The following SETX variants were observed in gnomAD, a reference collection of about 807,000 sequenced individuals.
The protein encoded by SETX is helicase senataxin.
A neutral mutation model predicts 227.2 loss-of-function variants in SETX; 90 were observed. The ratio of observed to expected loss-of-function variants is 0.40; its 90% CI spans 0.33 to 0.47. The LOEUF (loss-of-function observed/expected upper bound fraction) is 0.47, where lower values mean the gene tolerates loss of function less well. Ranked by LOEUF, SETX falls within the 20% of genes least tolerant of loss-of-function variation. The pLI is 0.91. For missense variants in SETX, 3,052 were observed against 3,181.5 expected (o/e 0.96, Z 0.98); for synonymous variants, 1,210 against 1,113.2 (o/e 1.09, Z -1.73).
rs1405902156 is a variant in SETX at position 132,263,645 on chromosome 9, T to G, written c.*594A>C. The G allele has an allele frequency of 3.3e-5, 5 of 153,172 alleles. No homozygotes were observed. Among genetic ancestry groups the G allele is most frequent in the Non-Finnish European group, 7.3e-5 (5 of 68,632 alleles). 9.5% of individuals were successfully genotyped at this position (153,172 alleles called of 1,614,324 possible). On this transcript the variant is annotated 3_prime_UTR_variant, in exon 26 of 26. Transcript: ENST00000224140. Reference sequence around the variant, plus strand: ...CCTAACATAACCGTGCTGCCCAAAGTGTCCCCTAGGAGACTCCAGGTTTTT... The same window carrying G: ...CCTAACATAACCGTGCTGCCCAAAGGGTCCCCTAGGAGACTCCAGGTTTTT...
At chr9:132,281,385 A>C in intron 20 of SETX, 82 bp downstream of exon 20, 1 of 926,070 alleles carries the variant, frequency 1.1e-6, no homozygotes, top group Non-Finnish European at 1.8e-6. Context: ...GGCCAATCCA[A>C]GAAAGATGTC....
At chr9:132,277,789 CAAAAAAAAAAAAA>C (rs372125008) in intron 21 of SETX, among the ~76,000 whole-genome samples, 2 of 68,098 alleles carry the variant, frequency 2.9e-5, no homozygotes, top group African/African-American at 9.8e-5. Context: ...ACCCTGTCTT[CAAAAAAAAAAAAA>C]AAAAAAAAAA....
chr9:132,275,357 T>G lies in SETX; in HGVS notation c.6999A>C (p.Lys2333Asn). Residue 2333 changes from lysine to asparagine, a missense_variant, in exon 23 of 26, where the codon AAA becomes AAC. Lys to Asn is a moderately conservative substitution (Grantham distance 94). Around this residue, in one of 10 missense-constraint regions of SETX, gnomAD observed 412 missense variants for 589.0 expected, o/e 0.70. Transcript: ENST00000224140. The stretch of plus-strand genomic sequence containing the variant: ...TGTTTCGAAAACTAACATCCTTTCT[T>G]TTGTCTTTAATAAGCTTAATTATTT... ...VMEIIKLIKDKRKDVSFRNIG... is the reference protein window; with the variant it reads ...VMEIIKLIKDNRKDVSFRNIG... The G allele has an allele frequency of 6.2e-7, 1 of 1,611,036 alleles. No homozygotes were observed. Among genetic ancestry groups the G allele is most frequent in the Non-Finnish European group, 8.5e-7 (1 of 1,177,246 alleles).
At position 132,294,925 on chromosome 9, in the gene SETX, C is replaced by A. The variant is rs536622947; in HGVS notation, c.6106+947G>T. On this transcript the variant is annotated intron_variant, in intron 15 of 25. Transcript: ENST00000224140. ...ATTTTTAAAAAAAAGAAGTAAACTT[C>A]TGTTATATTTAAAAGCCACTGTATT... 3.3e-5 allele frequency among the ~76,000 whole-genome samples: 5 copies of A among 152,248 alleles called. No homozygotes were observed. In the East Asian group the frequency reaches 9.6e-4, roughly 29 times the overall value.
chr9:132,355,677 CA>C (rs1044092334), upstream of SETX, among the ~76,000 whole-genome samples: 27 of 150,830 alleles, frequency 1.8e-4, no homozygotes, highest in African/African-American at 5.6e-4. Flanking sequence ...CCCGTATGTA[CA>C]AAAAAAAATT....
chr9:132,305,267 T>G (rs1471518509), intron 11 of SETX, among the ~76,000 whole-genome samples: 5 of 143,380 alleles, frequency 3.5e-5, no homozygotes, highest in African/African-American at 1.3e-4. Flanking sequence ...GGCAGGAGAA[T>G]GGCGTGAACC....
chr9:132,272,166 G>A lies in SETX; in HGVS notation c.7101-358C>T, dbSNP rs186520791. 2.8e-3 allele frequency among the ~76,000 whole-genome samples: 425 copies of A among 151,954 alleles called. 1 individual carries two copies. Among genetic ancestry groups the A allele is most frequent in the Non-Finnish European group, 4.5e-3 (303 of 67,956 alleles). ...ATTACAGGCGTGAGCCACCGCGTCC[G>A]GCTTAGTTTTTTGGTTTTTGACAGT... is the stretch of plus-strand genomic sequence containing the variant. On this transcript the variant is annotated intron_variant, in intron 23 of 25. Transcript: ENST00000224140.
At chr9:132,345,905 G>A (rs1305442703) in intron 4 of SETX, among the ~76,000 whole-genome samples, 1 of 152,116 alleles carries the variant, frequency 6.6e-6, no homozygotes, top group Non-Finnish European at 1.5e-5. Flanking sequence ...TGTACTCCCA[G>A]CTACCCACAA....
chr9:132,323,911 GA>G (rs987805822), intron 10 of SETX, among the ~76,000 whole-genome samples: 32 of 140,738 alleles, frequency 2.3e-4, no homozygotes, highest in African/African-American at 7.6e-4. Context: ...CTCCAAAAAA[GA>G]AAAAAAAAAG....
intron 10 of SETX, among the ~76,000 whole-genome samples, chr9:132,314,079 C>T (rs952187213): frequency 2.6e-5 from 4 of 151,942 alleles, no homozygotes; most frequent in Non-Finnish European, 5.9e-5. Flanking sequence ...TACAGGCATG[C>T]GCCACCATGC....
In SETX at chr9:132,346,183, C is replaced by A; in HGVS notation, c.388+78G>T. 5 of 1,160,426 alleles carry A rather than the reference C, an allele frequency of 4.3e-6. No individual in the cohort carries two copies. The South Asian group carries it at 6.5e-5, about 15-fold the overall frequency. The allele number at this position is 1,160,426 out of a possible 1,614,324, so 71.9% of individuals were successfully genotyped here. ...ATTATATGTTTAGCAAACAAATTTG[C>A]AATATAGATAAGCCTAAATTCTTAT... On this transcript the variant is annotated intron_variant, in intron 4 of 25. Coordinates refer to ENST00000224140, the MANE Select transcript of SETX (RefSeq NM_015046.7).
intron 10 of SETX, among the ~76,000 whole-genome samples, chr9:132,325,369 A>C (rs1846666804): frequency 6.6e-6 from 1 of 152,150 alleles, no homozygotes; most frequent in Admixed American, 6.5e-5. Flanking sequence ...AAAAGAAAAA[A>C]GAAAAAAGAA....
Position 132,331,198 on chromosome 9 carries a change from C to T in SETX, c.1011-59G>A, listed in dbSNP as rs146137433. 626 of 1,606,798 alleles carry T rather than the reference C, an allele frequency of 3.9e-4. 7 individuals carry two copies. The East Asian group carries it at 0.014, about 35-fold the overall frequency. On this transcript the variant is annotated intron_variant, in intron 8 of 25. Coordinates refer to ENST00000224140, the MANE Select transcript of SETX (RefSeq NM_015046.7). ...ACGAAGGGGGAAAAAAAGGAAGAAA[C>T]ACCTCTTGTTAAGTAATCTAGCTGG... is the stretch of plus-strand genomic sequence containing the variant.
rs575870619 is a variant in SETX, at chr9:132,350,119, G to A, written c.-7-684C>T. 4.6e-5 allele frequency among the ~76,000 whole-genome samples: 7 copies of A among 152,266 alleles called. 1 individual carries two copies. Among genetic ancestry groups the A allele is most frequent in the East Asian group, 1.9e-4 (1 of 5,186 alleles). On this transcript the variant is annotated intron_variant, in intron 2 of 25. Coordinates refer to ENST00000224140, the MANE Select transcript of SETX (RefSeq NM_015046.7). ...TGTAAGCCCAGCACTTTGGGAGGCCGACGTGGGCAGACTGCTTGAGGTCCG... is the reference window on the plus strand; with the variant it reads ...TGTAAGCCCAGCACTTTGGGAGGCCAACGTGGGCAGACTGCTTGAGGTCCG...
chr9:132,298,413 A>G (rs1844800805), intron 12 of SETX, 101 bp from the exon 13 acceptor site: 5 of 1,008,178 alleles, frequency 5.0e-6, no homozygotes, highest in African/African-American at 3.3e-5. Context: ...ATATTTTTGG[A>G]TATTATTTAC....
Position 132,281,453 on chromosome 9 carries a change from C to A in SETX, c.6654+14G>T, listed in dbSNP as rs764453885. 4.4e-6 allele frequency: 7 copies of A among 1,587,460 alleles called. No individual in the cohort carries two copies. The highest frequency in any genetic ancestry group is 4.3e-6 in the Non-Finnish European group (5 of 1,155,980). On this transcript the variant is annotated intron_variant, in intron 20 of 25. Coordinates refer to ENST00000224140, the MANE Select transcript of SETX (RefSeq NM_015046.7). ...CCCTTCCATTTTAAAGCAATCTGAA[C>A]ATAAAAAACTTACCATAGAGATGAC...
intron 19 of SETX, chr9:132,282,846 T>C (rs536715842): frequency 9.1e-6 from 2 of 220,466 alleles, no homozygotes; most frequent in Non-Finnish European, 1.9e-5. Context: ...TTTTGTCTTC[T>C]GACTCTACGT....
chr9:132,355,283 G>A (rs1349597971), upstream of SETX, among the ~76,000 whole-genome samples: 1 of 152,288 alleles, frequency 6.6e-6, no homozygotes, highest in Admixed American at 6.5e-5. Flanking sequence ...GGGCGGCTCC[G>A]GGATGAGCTC....
Position 132,328,384 on chromosome 9 carries a change from GAA to G in SETX, c.3212_3213del (p.Phe1071SerfsTer3). ...PVKEEKTETL[F>X]QFEESDSQCF... ...CACTGAGAATCAGATTCCTCAAACT[GAA>G]AAAGAGTCTCTGTCTTTTCTTCCTT... is the stretch of plus-strand genomic sequence containing the variant. On this transcript the variant is annotated frameshift_variant, in exon 10 of 26. Coordinates refer to ENST00000224140, the MANE Select transcript of SETX (RefSeq NM_015046.7). LOFTEE classifies it high-confidence loss of function. The G allele has an allele frequency of 1.9e-6, 3 of 1,613,684 alleles. No individual in the cohort carries two copies. Among genetic ancestry groups the G allele is most frequent in the Non-Finnish European group, 2.5e-6 (3 of 1,179,900 alleles).
Sources: allele counts gnomAD v4.1 joint callset (sites outside exome capture counted in the v4.1 genomes callset), GRCh38; gene constraint gnomAD v4.1.1; regional missense constraint gnomAD v4.1.1; transcripts MANE v1.5; gene names NCBI Gene and HGNC (gene_info 2026-07-23, HGNC 2026-07-21).